The following MEP1B variants were observed in gnomAD, a reference collection of about 807,000 sequenced individuals.
The protein encoded by MEP1B is meprin A subunit beta.
Under a neutral mutation model 84.6 loss-of-function variants are expected in MEP1B, and 80 were observed. That is an observed-to-expected ratio of 0.95 (90% confidence interval 0.79 to 1.14). MEP1B has a LOEUF of 1.14. MEP1B is among the 50% of genes most tolerant of loss of function. The pLI is 0.00. For missense variants in MEP1B, 766 were observed against 855.1 expected (o/e 0.90, Z 1.30); for synonymous variants, 273 against 288.1 (o/e 0.95, Z 0.53).
chr18:32,193,726 T>C (rs1421684779), intron 4 of MEP1B, among the ~76,000 whole-genome samples: 2 of 152,140 alleles, frequency 1.3e-5, no homozygotes, highest in Non-Finnish European at 2.9e-5. Flanking sequence ...ACTCCCTTAC[T>C]TCCTATATCG....
At chr18:32,207,501 A>G (rs750538018) in intron 8 of MEP1B, 31 bp downstream of exon 8, 1 of 1,467,150 alleles carries the variant, frequency 6.8e-7, no homozygotes, top group East Asian at 2.3e-5. Context: ...AATGACTTAT[A>G]TTTTCCGCTG....
intron 12 of MEP1B, among the ~76,000 whole-genome samples, chr18:32,215,660 T>C (rs1374232527): frequency 6.6e-6 from 1 of 151,954 alleles, no homozygotes; most frequent in East Asian, 1.9e-4. Context: ...CTGTCTCTAC[T>C]AAAAACATAA....
chr18:32,215,498 G>A lies in MEP1B; in HGVS notation c.1759+237G>A, dbSNP rs542300480. On this transcript the variant is annotated intron_variant, in intron 12 of 14. Transcript: ENST00000269202. Reference sequence around the variant, plus strand: ...AATGACCACCACATGAAGCTATAGCGGAAACCTTTAGGTTGGGAAATTTCT... The same window carrying A: ...AATGACCACCACATGAAGCTATAGCAGAAACCTTTAGGTTGGGAAATTTCT... 1.5e-4 allele frequency among the ~76,000 whole-genome samples: 23 copies of A among 152,212 alleles called. No homozygotes were observed. The South Asian group carries it at 3.1e-3, about 21-fold the overall frequency.
At chr18:32,191,263 G>C (rs541072424) in intron 1 of MEP1B, among the ~76,000 whole-genome samples, 1 of 150,372 alleles carries the variant, frequency 6.7e-6, no homozygotes, top group Non-Finnish European at 1.5e-5. Flanking sequence ...CATTTGTGGA[G>C]AATCTATTTT....
intron 7 of MEP1B, among the ~76,000 whole-genome samples, chr18:32,206,431 T>C (rs1598892925): frequency 9.2e-6 from 1 of 109,024 alleles, no homozygotes; most frequent in Non-Finnish European, 2.1e-5. Context: ...TCAACAACAC[T>C]TTTTTTTTTT....
At chr18:32,198,410 A>G (rs1206412375) in intron 5 of MEP1B, among the ~76,000 whole-genome samples, 1 of 152,208 alleles carries the variant, frequency 6.6e-6, no homozygotes, top group Non-Finnish European at 1.5e-5. Flanking sequence ...CTTTCTGTTC[A>G]CCAGGAGGCA....
At chr18:32,202,325 C>T (rs1437225883) in intron 5 of MEP1B, among the ~76,000 whole-genome samples, 1 of 152,138 alleles carries the variant, frequency 6.6e-6, no homozygotes, top group Non-Finnish European at 1.5e-5. Flanking sequence ...GCTCCATATC[C>T]ATATCACTCT....
Position 32,210,481 on chromosome 18 carries a change from A to G in MEP1B, c.920-20A>G. 1 of 1,606,824 alleles carries G rather than the reference A, an allele frequency of 6.2e-7. No individual in the cohort carries two copies. Among genetic ancestry groups the G allele is most frequent in the Non-Finnish European group, 8.5e-7 (1 of 1,174,752 alleles). ...ATACCCAGTATCTGTTTTTCTCTCA[A>G]TTCTGCTTTTCTTTAACAGGTTCTG... On this transcript the variant is annotated intron_variant, in intron 9 of 14. Coordinates refer to ENST00000269202, the MANE Select transcript of MEP1B (RefSeq NM_005925.3).
intron 2 of MEP1B, 75 bp downstream of exon 2, chr18:32,191,915 TA>T (rs1450887889): frequency 1.2e-6 from 1 of 854,954 alleles, no homozygotes; most frequent in Non-Finnish European, 1.9e-6. Context: ...CATACATAAT[TA>T]CATATGCATA....
At chr18:32,217,314 AT>A (rs1373294284) in intron 13 of MEP1B, among the ~76,000 whole-genome samples, 197 bp downstream of exon 13, 1 of 152,004 alleles carries the variant, frequency 6.6e-6, no homozygotes, top group Non-Finnish European at 1.5e-5. Flanking sequence ...AGCCAACACA[AT>A]TTTTTTATGA....
chr18:32,196,869 T>C lies in MEP1B; in HGVS notation c.250+1384T>C. 2.0e-6 allele frequency: 1 copy of C among 502,416 alleles called. No individual in the cohort carries two copies. The highest frequency in any genetic ancestry group is 3.7e-6 in the Non-Finnish European group (1 of 269,024). The allele number at this position is 502,416 out of a possible 1,614,324, so 31.1% of individuals were successfully genotyped here. Reference sequence around the variant, plus strand: ...CTCTGCGTACTTGCCCATGATGTAGTGGAGGCGGGCAAGGAGGCGCAGGCA... The same window carrying C: ...CTCTGCGTACTTGCCCATGATGTAGCGGAGGCGGGCAAGGAGGCGCAGGCA... On this transcript the variant is annotated intron_variant, in intron 5 of 14. Transcript: ENST00000269202. The surrounding 1 kb of genome is among the most constrained non-coding windows in gnomAD (Gnocchi z 4.4).
chr18:32,205,817 T>G (rs541229312), intron 7 of MEP1B, among the ~76,000 whole-genome samples: 1 of 152,356 alleles, frequency 6.6e-6, no homozygotes, highest in African/African-American at 2.4e-5. Flanking sequence ...TATATACTTA[T>G]GTGGTACAGT....
At chr18:32,213,000 C>T in intron 10 of MEP1B, 116 bp from the exon 11 acceptor site, 1 of 916,748 alleles carries the variant, frequency 1.1e-6, no homozygotes, top group South Asian at 1.7e-5. Flanking sequence ...TACTTCTGAC[C>T]TGTAGAAATA....
At chr18:32,202,658 TAGTG>T (rs1246820213) in intron 5 of MEP1B, among the ~76,000 whole-genome samples, 2 of 152,318 alleles carry the variant, frequency 1.3e-5, no homozygotes, top group African/African-American at 4.8e-5. Flanking sequence ...AATGCACCAT[TAGTG>T]AGTGAGTGCT....
rs1292434474 is a variant in MEP1B, at chr18:32,196,330, T to C, written c.250+845T>C. On this transcript the variant is annotated intron_variant, in intron 5 of 14. Coordinates refer to ENST00000269202, the MANE Select transcript of MEP1B (RefSeq NM_005925.3). The surrounding 1 kb of genome is among the most constrained non-coding windows in gnomAD (Gnocchi z 4.4). The stretch of plus-strand genomic sequence containing the variant: ...GCTGGAGCCGTTGCGGTAGATCTCA[T>C]GCATGGCGCGCCGCAGGGCCACGGC... 3 of 703,300 alleles carry C rather than the reference T, an allele frequency of 4.3e-6. No homozygotes were observed. The highest frequency in any genetic ancestry group is 8.0e-6 in the Non-Finnish European group (3 of 376,806). The allele number at this position is 703,300 out of a possible 1,614,324, so 43.6% of individuals were successfully genotyped here. A position where few individuals can be genotyped will look rare whatever the true frequency, so the allele number is the denominator to read the frequency against.
rs1293291449 is a variant in MEP1B, at chr18:32,196,658, G to T, written c.250+1173G>T. The stretch of plus-strand genomic sequence containing the variant: ...TGATGTTGTCCAGCACGCCACCTCG[G>T]GGTGTCTTCCCCAAGCACCAGCGCA... On this transcript the variant is annotated intron_variant, in intron 5 of 14. Transcript: ENST00000269202. The surrounding 1 kb of genome is among the most constrained non-coding windows in gnomAD (Gnocchi z 4.4). The T allele has an allele frequency of 7.4e-6, 5 of 676,784 alleles. No individual in the cohort carries two copies. Among genetic ancestry groups the T allele is most frequent in the Non-Finnish European group, 1.1e-5 (4 of 369,972 alleles). 41.9% of individuals were successfully genotyped at this position (676,784 alleles called of 1,614,324 possible).
Position 32,195,390 on chromosome 18 carries a change from G to A in MEP1B, c.172-17G>A, listed in dbSNP as rs754177109. The A allele has an allele frequency of 3.2e-6, 5 of 1,552,782 alleles. No homozygotes were observed. The Admixed American group carries it at 6.7e-5, about 21-fold the overall frequency. On this transcript the variant is annotated splice_polypyrimidine_tract_variant and intron_variant, in intron 4 of 14. Coordinates refer to ENST00000269202, the MANE Select transcript of MEP1B (RefSeq NM_005925.3). ...CCTTATTTGTTTAACTAGCCCTTTTGCATTTATTTTTGACAGGCACAAATT... is the reference window on the plus strand; with the variant it reads ...CCTTATTTGTTTAACTAGCCCTTTTACATTTATTTTTGACAGGCACAAATT...
At chr18:32,216,616 C>A (rs540551589) in intron 12 of MEP1B, among the ~76,000 whole-genome samples, 1 of 152,324 alleles carries the variant, frequency 6.6e-6, no homozygotes, top group Non-Finnish European at 1.5e-5. Context: ...TGAGTTGGAG[C>A]CCCAGTAGGC....
intron 12 of MEP1B, 33 bp downstream of exon 12, chr18:32,215,294 G>T (rs1568273422): frequency 7.5e-6 from 10 of 1,339,684 alleles, no homozygotes; most frequent in Non-Finnish European, 1.0e-5. Flanking sequence ...ATATAAACTA[G>T]TTTTTTTTTG....
Sources: gnomAD v4.1 joint callset for allele counts (sites outside exome capture counted in the v4.1 genomes callset) on GRCh38, gnomAD v4.1.1 for gene constraint, Gnocchi (gnomAD v3.1) non-coding constraint, MANE v1.5 for transcripts, NCBI Gene and HGNC (gene_info 2026-07-23, HGNC 2026-07-21) for gene names.